The following MEMO1 variants were observed in gnomAD, a reference collection of about 807,000 sequenced individuals.
The protein encoded by MEMO1 is mediator of cell motility 1.
Under a neutral mutation model 45.2 loss-of-function variants are expected in MEMO1, and 6 were observed. That is an observed-to-expected ratio of 0.13 (90% CI 0.07 to 0.26). The LOEUF (loss-of-function observed/expected upper bound fraction) is 0.26. Among genes scored for constraint, MEMO1 ranks in the 10% least tolerant of loss-of-function variants. The pLI is 1.00. For missense variants in MEMO1, 184 were observed against 370.5 expected (o/e 0.50, Z 4.13); for synonymous variants, 78 against 124.3 (o/e 0.63, Z 2.48).
rs537634772 is a variant in MEMO1 at position 31,910,739 on chromosome 2, A to G, written c.437+7187T>C. Among the ~76,000 whole-genome samples, 18 of 152,258 alleles carry G rather than the reference A, an allele frequency of 1.2e-4. No individual in the cohort carries two copies. The East Asian group carries it at 3.1e-3, about 26-fold the overall frequency. On this transcript the variant is annotated intron_variant, in intron 6 of 9. Transcript: ENST00000404530. ...GCCAGGCATGGTGGTGCATGTCTGTAGTCCCAGCTACTCGAGAGGCTGAGG... is the reference window on the plus strand; with the variant it reads ...GCCAGGCATGGTGGTGCATGTCTGTGGTCCCAGCTACTCGAGAGGCTGAGG...
intron 2 of MEMO1, among the ~76,000 whole-genome samples, chr2:31,988,577 T>C (rs62142085): frequency 0.065 from 9,842 of 152,144 alleles, 465 homozygotes; most frequent in Non-Finnish European, 0.097. Flanking sequence ...AAAAGTAACA[T>C]TGGATAAAAC....
intron 4 of MEMO1, among the ~76,000 whole-genome samples, chr2:31,931,355 T>G (rs2148246380): frequency 6.6e-6 from 1 of 152,302 alleles, no homozygotes; most frequent in Non-Finnish European, 1.5e-5. Flanking sequence ...CAATCAGTAT[T>G]TGACAGAACT....
intron 6 of MEMO1, among the ~76,000 whole-genome samples, chr2:31,908,013 TA>T (rs549068292): frequency 3.3e-5 from 5 of 152,078 alleles, no homozygotes; most frequent in Admixed American, 6.6e-5. Context: ...AGTTAAATGG[TA>T]AAAAAAATTC....
intron 2 of MEMO1, among the ~76,000 whole-genome samples, chr2:31,997,545 C>T (rs773377611): frequency 3.3e-5 from 5 of 152,148 alleles, no homozygotes; most frequent in Admixed American, 6.6e-5. Context: ...CAAAATCAGG[C>T]AATCAATACA....
chr2:31,972,775 T>C (rs1388283975), intron 2 of MEMO1, among the ~76,000 whole-genome samples: 1 of 152,090 alleles, frequency 6.6e-6, no homozygotes, highest in Non-Finnish European at 1.5e-5. Context: ...ACAGGATTAA[T>C]ACCCAGAATA....
intron 2 of MEMO1, among the ~76,000 whole-genome samples, chr2:32,007,253 C>A (rs1284576202): frequency 6.6e-6 from 1 of 152,166 alleles, no homozygotes; most frequent in Admixed American, 6.5e-5. Flanking sequence ...GTTTCCCAAT[C>A]CAATGTTCCT....
intron 6 of MEMO1, 35 bp downstream of exon 6, chr2:31,917,891 G>A (rs1389954323): frequency 3.6e-6 from 5 of 1,386,200 alleles, no homozygotes; most frequent in Non-Finnish European, 5.0e-6. Flanking sequence ...TAATGTCTAT[G>A]ATTTCCTGGG....
At chr2:31,884,669 C>A (rs993849136) in intron 7 of MEMO1, among the ~76,000 whole-genome samples, 1 of 152,178 alleles carries the variant, frequency 6.6e-6, no homozygotes, top group African/African-American at 2.4e-5. Context: ...TGATACTGAT[C>A]ACCTTTGATG....
At chr2:31,969,601 GTGTGT>G (rs1669121669) in intron 2 of MEMO1, among the ~76,000 whole-genome samples, 3 of 148,564 alleles carry the variant, frequency 2.0e-5, no homozygotes, top group African/African-American at 5.0e-5. Flanking sequence ...GTGTGTGTGT[GTGTGT>G]GTGTGTGTGT....
chr2:31,986,498 C>T (rs928217900), intron 2 of MEMO1, among the ~76,000 whole-genome samples: 1 of 152,090 alleles, frequency 6.6e-6, no homozygotes, highest in African/African-American at 2.4e-5. Context: ...AATAATATAA[C>T]TGTTACCTTC....
chr2:31,950,099 T>G (rs535312034), intron 2 of MEMO1, among the ~76,000 whole-genome samples: 111 of 152,258 alleles, frequency 7.3e-4, no homozygotes, highest in Non-Finnish European at 1.2e-3. Context: ...CATATATTAT[T>G]GCCGGGCGCA....
chr2:31,975,141 C>T (rs1669861319), intron 2 of MEMO1, among the ~76,000 whole-genome samples: 1 of 152,136 alleles, frequency 6.6e-6, no homozygotes, highest in Non-Finnish European at 1.5e-5. Flanking sequence ...CACTGCACTC[C>T]AGCCTGGGTG....
intron 6 of MEMO1, among the ~76,000 whole-genome samples, chr2:31,909,866 A>G (rs935194819): frequency 6.6e-6 from 1 of 152,084 alleles, no homozygotes; most frequent in African/African-American, 2.4e-5. Context: ...CAGACACCAA[A>G]CCACAAATCC....
Position 31,872,446 on chromosome 2 carries a change from T to C in MEMO1, c.658-2494A>G, listed in dbSNP as rs1217869845. The stretch of plus-strand genomic sequence containing the variant: ...AAATAATGTGACACTGAGATTCTAA[T>C]GTACATTTTAATATTAAAATCTCAA... On this transcript the variant is annotated intron_variant, in intron 8 of 9. Coordinates refer to ENST00000404530, the MANE Select transcript of MEMO1 (RefSeq NM_001301833.4). 3.9e-5 allele frequency among the ~76,000 whole-genome samples: 6 copies of C among 152,304 alleles called. No homozygotes were observed. In the East Asian group the frequency reaches 7.7e-4, roughly 20 times the overall value.
At chr2:31,902,556 G>A (rs1454166805) in intron 6 of MEMO1, among the ~76,000 whole-genome samples, 2 of 151,942 alleles carry the variant, frequency 1.3e-5, no homozygotes, top group Non-Finnish European at 2.9e-5. Flanking sequence ...CCTCAATTTT[G>A]CCATCTGAAA....
intron 6 of MEMO1, among the ~76,000 whole-genome samples, chr2:31,902,646 CT>C (rs1422171038): frequency 6.6e-6 from 1 of 152,118 alleles, no homozygotes; most frequent in East Asian, 1.9e-4. Flanking sequence ...TTTAGCCCTT[CT>C]TTTTTTGTCT....
intron 2 of MEMO1, among the ~76,000 whole-genome samples, chr2:31,994,487 A>G (rs971668321): frequency 7.9e-5 from 12 of 151,486 alleles, no homozygotes; most frequent in Non-Finnish European, 4.4e-5. Flanking sequence ...AAAATTAGCC[A>G]GGCGTGGTGG....
intron 6 of MEMO1, among the ~76,000 whole-genome samples, chr2:31,916,617 G>A (rs534300969): frequency 3.3e-5 from 5 of 151,978 alleles, no homozygotes; most frequent in South Asian, 4.2e-4. Context: ...TGTCTTTTCC[G>A]GTTGAAGAAG....
At chr2:32,009,931 C>A (rs959828778) in intron 2 of MEMO1, among the ~76,000 whole-genome samples, 1 of 151,750 alleles carries the variant, frequency 6.6e-6, no homozygotes, top group Admixed American at 6.6e-5. Context: ...GGCGGCAACT[C>A]TCCCTCTCGC....
Sources: gnomAD v4.1 joint callset for allele counts (sites outside exome capture counted in the v4.1 genomes callset) on GRCh38, gnomAD v4.1.1 for gene constraint, MANE v1.5 for transcripts, NCBI Gene and HGNC (gene_info 2026-07-23, HGNC 2026-07-21) for gene names.